The following FAT3 variants were observed in gnomAD, a reference collection of about 807,000 sequenced individuals.
FAT3 encodes protocadherin Fat 3.
FAT3 carries 95 observed loss-of-function variants against 310.2 expected under a neutral mutation model. The observed-to-expected ratio is 0.31, with a 90% confidence interval of 0.26 to 0.36. The LOEUF is 0.36. Ranked by LOEUF, FAT3 falls within the 10% of genes least tolerant of loss-of-function variation. The pLI, the probability that FAT3 is intolerant of heterozygous loss-of-function variation, is 1.00. For missense variants in FAT3, 5,408 were observed against 5,715.6 expected, an observed-to-expected ratio of 0.95 and a Z score of 1.74; for synonymous variants, 2,314 against 2,192.9, an observed-to-expected ratio of 1.06 and a Z score of -1.54.
chr11:92,668,937 G>A (rs1263031568), intron 3 of FAT3, among the ~76,000 whole-genome samples: 1 of 152,158 alleles, frequency 6.6e-6, no homozygotes, highest in Non-Finnish European at 1.5e-5. Context: ...TAGGGATTGG[G>A]TAAAATGTGG....
chr11:92,525,295 C>G, intron 3 of FAT3, among the ~76,000 whole-genome samples: 1 of 152,176 alleles, frequency 6.6e-6, no homozygotes, highest in East Asian at 1.9e-4. Context: ...TATGAGCAAG[C>G]TGGCTTTGTG....
intron 4 of FAT3, among the ~76,000 whole-genome samples, chr11:92,744,397 C>T (rs1945593937): frequency 6.6e-6 from 1 of 152,126 alleles, no homozygotes; most frequent in South Asian, 2.1e-4. Context: ...CCAAGGGTTA[C>T]AAACTCAAAT....
At chr11:92,388,037 C>T (rs1591210669) in intron 2 of FAT3, among the ~76,000 whole-genome samples, 1 of 152,090 alleles carries the variant, frequency 6.6e-6, no homozygotes, top group Non-Finnish European at 1.5e-5. Flanking sequence ...CATTTTGGGG[C>T]TTTTTGCCAG....
In FAT3 at chr11:92,485,114, C is replaced by G. The variant is rs539862651; in HGVS notation, c.3293-39520C>G. Among the ~76,000 whole-genome samples, 36 of 152,288 alleles carry G rather than the reference C, an allele frequency of 2.4e-4. 1 individual carries two copies. The South Asian group carries it at 7.0e-3, about 30-fold the overall frequency. On this transcript the variant is annotated intron_variant, in intron 2 of 27. Coordinates refer to ENST00000525166, the MANE Select transcript of FAT3 (RefSeq NM_001367949.2). Reference sequence around the variant, plus strand: ...TTTAAATATTTTGTTGACTTCAAATCAAACAGTTCTACAAATTAAAAAGAA... The same window carrying G: ...TTTAAATATTTTGTTGACTTCAAATGAAACAGTTCTACAAATTAAAAAGAA...
intron 4 of FAT3, among the ~76,000 whole-genome samples, chr11:92,713,588 C>A (rs1269129343): frequency 6.6e-6 from 1 of 152,116 alleles, no homozygotes; most frequent in Admixed American, 6.5e-5. Context: ...AATTTTTTCT[C>A]TATTTGTATC....
chr11:92,538,150 C>G (rs1954321484), intron 3 of FAT3, among the ~76,000 whole-genome samples: 1 of 152,094 alleles, frequency 6.6e-6, no homozygotes, highest in South Asian at 2.1e-4. Context: ...TAAATGTTAT[C>G]TATAGTGTTC....
Position 92,798,945 on chromosome 11 carries a change from A to G in FAT3, c.5932A>G (p.Ser1978Gly). 1.9e-6 allele frequency: 3 copies of G among 1,614,026 alleles called. No homozygotes were observed. The highest frequency in any genetic ancestry group is 2.5e-6 in the Non-Finnish European group (3 of 1,179,880). The change falls in exon 10 of 28, where the codon AGC becomes GGC. Residue 1978 changes from serine to glycine, a missense_variant. Physicochemically the swap from Ser to Gly is moderately conservative, Grantham distance 56. Transcript: ENST00000525166. ...VTIMVKEAMD[S>G]GLHFTQSFYS... ...CATCATGGTTAAAGAAGCCATGGAC[A>G]GCGGCCTCCACTTTACACAAAGCTT... is the stretch of plus-strand genomic sequence containing the variant.
chr11:92,885,322 C>T (rs1949771628), intron 24 of FAT3, among the ~76,000 whole-genome samples: 1 of 152,188 alleles, frequency 6.6e-6, no homozygotes, highest in African/African-American at 2.4e-5. Flanking sequence ...GAGGAAAAAA[C>T]TCCCTTCAAT....
At chr11:92,297,250 C>A (rs1946873400) in intron 1 of FAT3, among the ~76,000 whole-genome samples, 1 of 152,066 alleles carries the variant, frequency 6.6e-6, no homozygotes, top group Non-Finnish European at 1.5e-5. Flanking sequence ...CATAGTGTTT[C>A]ATTGACTTTT....
chr11:92,884,955 G>A (rs1448281462), intron 24 of FAT3, among the ~76,000 whole-genome samples: 1 of 152,152 alleles, frequency 6.6e-6, no homozygotes, highest in Non-Finnish European at 1.5e-5. Flanking sequence ...GGAGAAGCCA[G>A]GCAAGGAGAC....
At chr11:92,869,653 G>A (rs896439015) in intron 22 of FAT3, among the ~76,000 whole-genome samples, 1 of 152,112 alleles carries the variant, frequency 6.6e-6, no homozygotes. Flanking sequence ...GTGCCAAACA[G>A]GGGAGAGAAA....
Position 92,339,725 on chromosome 11 carries a change from G to A in FAT3, c.-17-12371G>A, listed in dbSNP as rs181563711. On this transcript the variant is annotated intron_variant, in intron 1 of 27. Transcript: ENST00000525166. ...GGCAGGGGAAGCCAGTTGAACTTGG[G>A]AAATGTGCAGACTCCTGAGGTGGGA... Among the ~76,000 whole-genome samples the A allele has an allele frequency of 1.7e-4, 26 of 152,112 alleles. No individual in the cohort carries two copies. The Middle Eastern group carries it at 0.01, about 60-fold the overall frequency.
At chr11:92,263,648 T>TAG (rs1404594100) in intron 1 of FAT3, among the ~76,000 whole-genome samples, 119 of 147,404 alleles carry the variant, frequency 8.1e-4, no homozygotes, top group African/African-American at 2.4e-3. Flanking sequence ...TATATATATA[T>TAG]ATATATAGAG....
At chr11:92,331,850 C>T (rs1315247385) in intron 1 of FAT3, among the ~76,000 whole-genome samples, 2 of 152,172 alleles carry the variant, frequency 1.3e-5, no homozygotes, top group East Asian at 3.8e-4. Context: ...ATACATTAAA[C>T]AGTAATACAT....
chr11:92,433,090 A>G (rs1367058992), intron 2 of FAT3, among the ~76,000 whole-genome samples: 2 of 152,102 alleles, frequency 1.3e-5, no homozygotes, highest in East Asian at 1.9e-4. Context: ...TCCCTCCATC[A>G]AGCTCAAGTG....
At chr11:92,293,248 G>A (rs1337872446) in intron 1 of FAT3, among the ~76,000 whole-genome samples, 2 of 151,360 alleles carry the variant, frequency 1.3e-5, no homozygotes, top group African/African-American at 4.9e-5. Flanking sequence ...CATGGAGGGG[G>A]GATGAGCTTT....
Position 92,762,101 on chromosome 11 carries a change from T to C in FAT3, c.3915T>C (p.Phe1305=). 1 of 1,613,958 alleles carries C rather than the reference T, an allele frequency of 6.2e-7. No individual in the cohort carries two copies. Among genetic ancestry groups the C allele is most frequent in the Non-Finnish European group, 8.5e-7 (1 of 1,179,864 alleles). The stretch of plus-strand genomic sequence containing the variant: ...ATGGGAATGATGACGGAAAGTTCTT[T>C]ATTGACCCTAAAACTGGGATGGTTT... The part of the protein sequence containing the change: ...IVDGNDDGKF[F]IDPKTGMVSS... The change falls in exon 5 of 28, where the codon TTT becomes TTC. Residue 1305 remains phenylalanine (F), a synonymous_variant. Coordinates refer to ENST00000525166, the MANE Select transcript of FAT3 (RefSeq NM_001367949.2).
At chr11:92,588,734 A>G (rs920347518) in intron 3 of FAT3, among the ~76,000 whole-genome samples, 1 of 148,746 alleles carries the variant, frequency 6.7e-6, no homozygotes, top group African/African-American at 2.5e-5. Flanking sequence ...AAGGTAGCCA[A>G]AGATCTACAA....
chr11:92,878,768 T>C (rs1949602396), intron 22 of FAT3, among the ~76,000 whole-genome samples: 2 of 145,432 alleles, frequency 1.4e-5, no homozygotes, highest in Non-Finnish European at 3.0e-5. Context: ...CAAAACCTCA[T>C]AGAGATGTAA....
Sources: allele counts gnomAD v4.1 joint callset (sites outside exome capture counted in the v4.1 genomes callset), GRCh38; gene constraint gnomAD v4.1.1; transcripts MANE v1.5; gene names NCBI Gene and HGNC (gene_info 2026-07-23, HGNC 2026-07-21).